SLC66A3: variants seen among roughly 807,000 people sequenced by gnomAD.
SLC66A3 encodes the protein solute carrier family 66 member 3, also known as PQ loop repeat containing 3.
In SLC66A3, 23 loss-of-function variants were observed where a neutral mutation model predicts 25.5. The ratio of observed to expected loss-of-function variants is 0.90; its 90% CI spans 0.65 to 1.28. The LOEUF is 1.28. Ranked by LOEUF, SLC66A3 falls within the 50% of genes most tolerant of loss-of-function variation. The probability of loss-of-function intolerance (pLI) is 0.00; values close to 1 mark genes in which losing one functional copy is unlikely to be tolerated. For synonymous variants in SLC66A3, 108 were observed against 112.6 expected (o/e 0.96, Z 0.26); for missense variants, 246 against 262.1 (o/e 0.94, Z 0.42).
intron 4 of SLC66A3, among the ~76,000 whole-genome samples, chr2:11,168,092 A>G (rs893138857): frequency 7.2e-5 from 11 of 152,140 alleles, no homozygotes; most frequent in African/African-American, 1.4e-4. Flanking sequence ...CATCCTGGCT[A>G]ACACGGTGAA....
chr2:11,166,518 C>T (rs1020856194), intron 4 of SLC66A3, among the ~76,000 whole-genome samples: 1 of 152,200 alleles, frequency 6.6e-6, no homozygotes, highest in Non-Finnish European at 1.5e-5. Context: ...TGTTACATTT[C>T]AACCCTGTGA....
chr2:11,168,641 G>A lies in SLC66A3; in HGVS notation c.355-3284G>A, dbSNP rs11690314. ...TGTGTTCTGGCTGGTTCTCTGGTGC[G>A]AGCCCTCCCCTGCAGTCCTCCCTCC... On this transcript the variant is annotated intron_variant, in intron 4 of 6. Coordinates refer to ENST00000295083, the MANE Select transcript of SLC66A3 (RefSeq NM_152391.5). 3.6e-3 allele frequency among the ~76,000 whole-genome samples: 550 copies of A among 152,104 alleles called. 4 individuals carry two copies. The highest frequency in any genetic ancestry group is 6.0e-3 in the Non-Finnish European group (408 of 67,988).
At chr2:11,158,734 C>T (rs1457821268) in intron 1 of SLC66A3, among the ~76,000 whole-genome samples, 2 of 151,314 alleles carry the variant, frequency 1.3e-5, no homozygotes, top group Non-Finnish European at 2.9e-5. Context: ...GCAGGAGAAC[C>T]GCTGGAACCC....
At chr2:11,166,472 T>C (rs1353623042) in intron 4 of SLC66A3, among the ~76,000 whole-genome samples, 1 of 152,220 alleles carries the variant, frequency 6.6e-6, no homozygotes, top group Non-Finnish European at 1.5e-5. Context: ...CCCAACATCT[T>C]GTCTGGAAAG....
chr2:11,167,661 A>G (rs371686269), intron 4 of SLC66A3, among the ~76,000 whole-genome samples: 16 of 152,230 alleles, frequency 1.1e-4, no homozygotes, highest in African/African-American at 3.6e-4. Flanking sequence ...CACTGACTCA[A>G]TGAGTGTTCC....
intron 4 of SLC66A3, among the ~76,000 whole-genome samples, chr2:11,167,732 G>A (rs977399509): frequency 1.6e-4 from 25 of 152,096 alleles, no homozygotes; most frequent in African/African-American, 5.3e-4. Context: ...TCTGAGGGTC[G>A]TGGAGCCCCA....
chr2:11,163,396 G>A (rs1662193481), intron 3 of SLC66A3, among the ~76,000 whole-genome samples: 1 of 152,236 alleles, frequency 6.6e-6, no homozygotes, highest in African/African-American at 2.4e-5. Context: ...TATCCAGCCA[G>A]CTTCGAGCTA....
intron 3 of SLC66A3, among the ~76,000 whole-genome samples, chr2:11,163,876 C>G (rs190839510): frequency 2.6e-5 from 4 of 152,204 alleles, no homozygotes; most frequent in African/African-American, 9.7e-5. Context: ...TAGCTTTTGA[C>G]CATAAATCAG....
chr2:11,157,999 C>A (rs1661968296), intron 1 of SLC66A3, among the ~76,000 whole-genome samples: 3 of 152,180 alleles, frequency 2.0e-5, no homozygotes, highest in Admixed American at 2.0e-4. Flanking sequence ...GGCTGTAGAG[C>A]CTTGGCCTCT....
chr2:11,159,925 A>T (rs966219346), intron 1 of SLC66A3, among the ~76,000 whole-genome samples: 1 of 152,168 alleles, frequency 6.6e-6, no homozygotes, highest in Non-Finnish European at 1.5e-5. Flanking sequence ...CTGCCCTCTC[A>T]ACCGGGCAGC....
chr2:11,155,625 G>C lies in SLC66A3; in HGVS notation c.79G>C (p.Ala27Pro). ...CAALKLPQIS[A>P]VLAARSARGL... ...CGCGCTGAAGCTGCCGCAGATCTCC[G>C]CTGTGCTAGCGGCGCGCAGCGCGCG... The change falls in exon 1 of 7, where the codon GCT becomes CCT. Residue 27 changes from alanine (A) to proline (P), a missense_variant. Around this residue, in one of 3 missense-constraint regions of SLC66A3, gnomAD observed 142 missense variants for 130.3 expected, o/e 1.09. Coordinates refer to ENST00000295083, the MANE Select transcript of SLC66A3 (RefSeq NM_152391.5). The C allele has an allele frequency of 6.5e-7, 1 of 1,528,194 alleles. No individual in the cohort carries two copies. The highest frequency in any genetic ancestry group is 8.7e-7 in the Non-Finnish European group (1 of 1,148,950). The allele number at this position is 1,528,194 out of a possible 1,614,324, so 94.7% of individuals were successfully genotyped here. A position where few individuals can be genotyped will look rare whatever the true frequency, so the allele number is the denominator to read the frequency against.
At chr2:11,156,639 C>T (rs1661913218) in intron 1 of SLC66A3, among the ~76,000 whole-genome samples, 1 of 152,102 alleles carries the variant, frequency 6.6e-6, no homozygotes, top group Admixed American at 6.6e-5. Context: ...AGGCTTTGGA[C>T]CCCGCGCCGG....
chr2:11,165,688 G>A (rs548471663), intron 4 of SLC66A3, among the ~76,000 whole-genome samples: 33 of 152,312 alleles, frequency 2.2e-4, no homozygotes, highest in African/African-American at 4.8e-4. Flanking sequence ...AGGTTGTAGC[G>A]AGCCGAGATC....
At chr2:11,155,976 G>T (rs1293407753) in intron 1 of SLC66A3, among the ~76,000 whole-genome samples, 1 of 152,216 alleles carries the variant, frequency 6.6e-6, no homozygotes, top group Non-Finnish European at 1.5e-5. Flanking sequence ...AGCCCTTGGT[G>T]CGCTAGTGAC....
chr2:11,174,817 A>G, intron 5 of SLC66A3, 151 bp from the exon 6 acceptor site: 1 of 476,590 alleles, frequency 2.1e-6, no homozygotes. Context: ...TCTGTCAAGA[A>G]TAGTTAATAT....
chr2:11,171,916 T>G lies in SLC66A3; in HGVS notation c.355-9T>G, dbSNP rs772813210. On this transcript the variant is annotated splice_polypyrimidine_tract_variant and intron_variant, in intron 4 of 6. Coordinates refer to ENST00000295083, the MANE Select transcript of SLC66A3 (RefSeq NM_152391.5). Reference sequence around the variant, plus strand: ...ACTCGTGACTTTCTCACATTTTATCTGCAAACAGAATCTATGTACTTTCAT... The same window carrying G: ...ACTCGTGACTTTCTCACATTTTATCGGCAAACAGAATCTATGTACTTTCAT... The G allele has an allele frequency of 6.2e-7, 1 of 1,613,700 alleles. No individual in the cohort carries two copies. The highest frequency in any genetic ancestry group is 2.2e-5 in the East Asian group (1 of 44,864).
rs746443518 is a variant in SLC66A3, at chr2:11,174,843, GAAT to G, written c.476-122_476-120del. On this transcript the variant is annotated intron_variant, in intron 5 of 6. Coordinates refer to ENST00000295083, the MANE Select transcript of SLC66A3 (RefSeq NM_152391.5). ...TAGTTAATATATGTTGTTAAAAAAA[GAAT>G]AAAAATAATTTAAAAATAATGGTTA... 1.8e-5 allele frequency: 10 copies of G among 552,450 alleles called. No individual in the cohort carries two copies. The East Asian group carries it at 2.0e-4, about 11-fold the overall frequency. The allele number at this position is 552,450 out of a possible 1,614,324, so 34.2% of individuals were successfully genotyped here.
At chr2:11,159,615 C>T (rs1401500150) in intron 1 of SLC66A3, among the ~76,000 whole-genome samples, 1 of 152,170 alleles carries the variant, frequency 6.6e-6, no homozygotes, top group African/African-American at 2.4e-5. Context: ...AGATTGGAGA[C>T]CCTGGGGGGC....
At chr2:11,176,808 G>A (rs1197069515) in intron 6 of SLC66A3, among the ~76,000 whole-genome samples, 4 of 151,902 alleles carry the variant, frequency 2.6e-5, no homozygotes, top group Non-Finnish European at 4.4e-5. Context: ...GATTACAGGC[G>A]TGAGCCACCG....
Sources: gnomAD v4.1 joint callset for allele counts (sites outside exome capture counted in the v4.1 genomes callset) on GRCh38, gnomAD v4.1.1 for gene constraint, gnomAD v4.1.1 regional missense constraint, MANE v1.5 for transcripts, NCBI Gene and HGNC (gene_info 2026-07-23, HGNC 2026-07-21) for gene names.